Variants in MAST4 observed in about 807,000 individuals in gnomAD.
MAST4 encodes the protein microtubule associated serine/threonine kinase family member 4.
A neutral mutation model predicts 162.7 loss-of-function variants in MAST4; 89 were observed. The ratio of observed to expected loss-of-function variants is 0.55; its 90% CI spans 0.46 to 0.65. MAST4 has a LOEUF of 0.65. Ranked by LOEUF, MAST4 falls within the 30% of genes least tolerant of loss-of-function variation. The probability of loss-of-function intolerance (pLI) is 0.00; values close to 1 mark genes in which losing one functional copy is unlikely to be tolerated. For missense variants in MAST4, 3,153 were observed against 3,374.0 expected, an observed-to-expected ratio of 0.93 and a Z score of 1.62; for synonymous variants, 1,479 against 1,361.1, an observed-to-expected ratio of 1.09 and a Z score of -1.91.
rs6867878 is a variant in MAST4, at chr5:66,596,916, G to A, written c.261G>A (p.Leu87=). 4.1e-3 allele frequency: 5,423 copies of A among 1,318,450 alleles called. 179 individuals are homozygous for A. In the African/African-American group the frequency reaches 0.073, roughly 18 times the overall value. The allele number at this position is 1,318,450 out of a possible 1,614,324, so 81.7% of individuals were successfully genotyped here. Residue 87 remains leucine (L), a synonymous_variant, in exon 1 of 29, where the codon CTG becomes CTA. Transcript: ENST00000403625. ...CCGCGTGGGCTCCGGCAAGCGTGCT[G>A]CTGGAGCGCGGAGTCCTTGCGCTGC... The part of the protein sequence containing the change: ...APAAWAPASV[L]LERGVLALPP...
Position 67,162,786 on chromosome 5 carries a change from C to A in MAST4, c.3965C>A (p.Ser1322Tyr), listed in dbSNP as rs746585436. ...TACCGCTCCACCCCTGACTTCCCAT[C>A]TGGTGAGTGAGTCTCCTGGTCTAAA... ...PSYRSTPDFPSGTNSSQSSSP... is the reference protein window; with the variant it reads ...PSYRSTPDFPYGTNSSQSSSP... Residue 1322 changes from serine (S) to tyrosine (Y), a missense_variant and splice_region_variant, in exon 28 of 29, where the codon TCT becomes TAT. This residue lies in a region of MAST4 where 619 missense variants were observed against 744.2 expected (regional missense o/e 0.83). Transcript: ENST00000403625. 6.2e-7 allele frequency: 1 copy of A among 1,613,684 alleles called. No homozygotes were observed. The highest frequency in any genetic ancestry group is 1.1e-5 in the South Asian group (1 of 91,046).
chr5:66,708,216 T>C lies in MAST4; in HGVS notation c.364-51493T>C, dbSNP rs73110472. On this transcript the variant is annotated intron_variant, in intron 1 of 28. Coordinates refer to ENST00000403625, the MANE Select transcript of MAST4 (RefSeq NM_001164664.2). ...TGCGGAAAGAGTGCGGGACTTGGAGTTGGAAGATGAGGTTCGTGCCTTAGC... is the reference window on the plus strand; with the variant it reads ...TGCGGAAAGAGTGCGGGACTTGGAGCTGGAAGATGAGGTTCGTGCCTTAGC... Among the ~76,000 whole-genome samples, 671 of 152,188 alleles carry C rather than the reference T, an allele frequency of 4.4e-3. 6 individuals are homozygous for C. Among genetic ancestry groups the C allele is most frequent in the African/African-American group, 0.016 (650 of 41,516 alleles).
intron 3 of MAST4, among the ~76,000 whole-genome samples, chr5:66,843,447 G>C (rs1481857235): frequency 6.6e-6 from 1 of 152,094 alleles, no homozygotes; most frequent in African/African-American, 2.4e-5. Context: ...AGCTATGGTC[G>C]CTTAACAGAG....
rs375185733 is a variant in MAST4, at chr5:67,164,489, G to A, written c.5310G>A (p.Glu1770=). Residue 1770 remains glutamate, a synonymous_variant, in exon 29 of 29, where the codon GAG becomes GAA. Coordinates refer to ENST00000403625, the MANE Select transcript of MAST4 (RefSeq NM_001164664.2). The surrounding 1 kb of genome is among the most constrained non-coding windows in gnomAD (Gnocchi z 5.3). ...CAGGCCGGGTGGACAGTGGAACGGA[G>A]AAGCCTGGCTTGGTTGCTCCTGAGT... ...ALTGRVDSGT[E]KPGLVAPESP... is the part of the protein sequence containing the mutation. 15 of 1,613,936 alleles carry A rather than the reference G, an allele frequency of 9.3e-6. No homozygotes were observed. Among genetic ancestry groups the A allele is most frequent in the Non-Finnish European group, 1.3e-5 (15 of 1,179,904 alleles).
chr5:66,848,027 C>T (rs1759014024), intron 3 of MAST4, among the ~76,000 whole-genome samples: 1 of 151,874 alleles, frequency 6.6e-6, no homozygotes, highest in Non-Finnish European at 1.5e-5. Flanking sequence ...TTTGTGTTGC[C>T]CCAGTGGATA....
At chr5:66,668,091 A>C (rs1406228691) in intron 1 of MAST4, among the ~76,000 whole-genome samples, 1 of 152,242 alleles carries the variant, frequency 6.6e-6, no homozygotes, top group South Asian at 2.1e-4. Context: ...CTCAGAGTAC[A>C]ATCAAAGCTG....
intron 8 of MAST4, among the ~76,000 whole-genome samples, chr5:67,100,807 C>T (rs1764941947): frequency 6.6e-6 from 1 of 152,132 alleles, no homozygotes; most frequent in Non-Finnish European, 1.5e-5. Flanking sequence ...TTGCTGATTG[C>T]AGCAGTAGTA....
chr5:66,734,842 A>G (rs908166055), intron 1 of MAST4, among the ~76,000 whole-genome samples: 1 of 151,976 alleles, frequency 6.6e-6, no homozygotes, highest in Non-Finnish European at 1.5e-5. Flanking sequence ...TTTTTCTCCT[A>G]TTTTCTAGCT....
chr5:66,970,326 G>A (rs1747274855), intron 4 of MAST4, among the ~76,000 whole-genome samples: 1 of 152,162 alleles, frequency 6.6e-6, no homozygotes, highest in Non-Finnish European at 1.5e-5. Flanking sequence ...ATGGGGAAGG[G>A]CAAGCATAAT....
rs559126974 is a variant in MAST4 at position 67,163,843 on chromosome 5, A to G, written c.4664A>G (p.His1555Arg). ...PEKQESHQKSHGPGSDLENFA... is the reference protein window; with the variant it reads ...PEKQESHQKSRGPGSDLENFA... ...AAACAGGAATCCCACCAGAAATCCC[A>G]TGGACCCGGGAGTGATTTGGAAAAC... is the stretch of plus-strand genomic sequence containing the variant. Residue 1555 changes from histidine (H) to arginine (R), a missense_variant, in exon 29 of 29, where the codon CAT (histidine) becomes CGT (arginine). Transcript: ENST00000403625. This position sits in a 1 kb window ranked among gnomAD's most constrained non-coding sequence, Gnocchi z 7.0. The G allele has an allele frequency of 2.0e-5, 33 of 1,613,780 alleles. No homozygotes were observed. The highest frequency in any genetic ancestry group is 2.6e-5 in the Non-Finnish European group (31 of 1,179,782).
intron 1 of MAST4, among the ~76,000 whole-genome samples, chr5:66,740,336 A>G (rs1580336996): frequency 6.6e-6 from 1 of 152,224 alleles, no homozygotes; most frequent in Admixed American, 6.5e-5. Context: ...TGAGGAACAC[A>G]GTGAAAACGT....
chr5:66,857,537 T>C (rs1181619376), intron 3 of MAST4, among the ~76,000 whole-genome samples: 1 of 152,238 alleles, frequency 6.6e-6, no homozygotes, highest in Non-Finnish European at 1.5e-5. Context: ...TCTGTTTTCT[T>C]TTATACCAAC....
intron 3 of MAST4, among the ~76,000 whole-genome samples, chr5:66,803,759 T>C (rs1253310529): frequency 6.6e-6 from 1 of 152,188 alleles, no homozygotes; most frequent in Non-Finnish European, 1.5e-5. Flanking sequence ...AATTTGCAAG[T>C]AATAACAGCT....
At chr5:66,907,158 C>CGAGA (rs34963439) in intron 4 of MAST4, among the ~76,000 whole-genome samples, 1,197 of 104,294 alleles carry the variant, frequency 0.011, 51 homozygotes, top group Non-Finnish European at 0.014. Context: ...CTCAGCAAAG[C>CGAGA]GAGAGAGAGA....
chr5:67,115,701 T>G (rs1766813559), intron 12 of MAST4, among the ~76,000 whole-genome samples: 1 of 152,218 alleles, frequency 6.6e-6, no homozygotes, highest in Admixed American at 6.5e-5. Flanking sequence ...TTAATGGTAT[T>G]TAGATGAGTT....
At chr5:67,062,162 G>T (rs1435491521) in intron 5 of MAST4, among the ~76,000 whole-genome samples, 1 of 152,210 alleles carries the variant, frequency 6.6e-6, no homozygotes, top group African/African-American at 2.4e-5. Context: ...AGCACTTTGG[G>T]AGGCTGAGGT....
At position 66,676,443 on chromosome 5, in the gene MAST4, T is replaced by C. The variant is rs193088132; in HGVS notation, c.363+79425T>C. On this transcript the variant is annotated intron_variant, in intron 1 of 28. Transcript: ENST00000403625. ...TTCACAGGTCTTAAGTCTCCCTGAA[T>C]GTTGAACTTCCCCAAGACTCTTTTC... is the stretch of plus-strand genomic sequence containing the variant. Among the ~76,000 whole-genome samples, 296 of 136,458 alleles carry C rather than the reference T, an allele frequency of 2.2e-3. 2 individuals are homozygous for C. The highest frequency in any genetic ancestry group is 6.7e-3 in the East Asian group (30 of 4,470). The allele number at this position is 136,458 out of a possible 152,430, so 89.5% of individuals were successfully genotyped here. A position where few individuals can be genotyped will look rare whatever the true frequency, so the allele number is the denominator to read the frequency against.
intron 1 of MAST4, among the ~76,000 whole-genome samples, chr5:66,620,471 C>A (rs1240626785): frequency 2.0e-5 from 3 of 151,922 alleles, no homozygotes; most frequent in Non-Finnish European, 4.4e-5. Context: ...CTAATACTTG[C>A]CGTTAATAAT....
intron 1 of MAST4, among the ~76,000 whole-genome samples, chr5:66,747,219 C>A (rs954694064): frequency 1.3e-5 from 2 of 151,862 alleles, no homozygotes; most frequent in Non-Finnish European, 2.9e-5. Flanking sequence ...ATACATATTT[C>A]TCTTGGAAGG....
Sources: allele counts gnomAD v4.1 joint callset (sites outside exome capture counted in the v4.1 genomes callset), GRCh38; gene constraint gnomAD v4.1.1; regional missense constraint gnomAD v4.1.1; non-coding constraint Gnocchi (gnomAD v3.1); transcripts MANE v1.5; gene names NCBI Gene and HGNC (gene_info 2026-07-23, HGNC 2026-07-21).